The following NELL1 variants were observed in gnomAD, a reference collection of about 807,000 sequenced individuals.
The protein encoded by NELL1 is neural EGFL like 1, also known as protein kinase C-binding protein NELL1.
NELL1 carries 76 observed loss-of-function variants against 107.4 expected under a neutral mutation model. The observed-to-expected ratio is 0.71, with a 90% confidence interval of 0.59 to 0.86. The LOEUF (loss-of-function observed/expected upper bound fraction) is 0.86. NELL1 is among the 40% of genes least tolerant of loss of function. NELL1 has a pLI of 0.00. For synonymous variants in NELL1, 353 were observed against 341.2 expected (o/e 1.03, Z -0.38); for missense variants, 1,024 against 1,005.5 (o/e 1.02, Z -0.25).
intron 1 of NELL1, chr11:20,674,561 C>G: frequency 6.5e-7 from 1 of 1,528,760 alleles, no homozygotes; most frequent in Non-Finnish European, 8.8e-7. Flanking sequence ...CTTCAGCAAT[C>G]CCTTCAGGGA....
intron 16 of NELL1, among the ~76,000 whole-genome samples, chr11:21,545,215 T>A (rs1856409092): frequency 6.6e-6 from 1 of 151,628 alleles, no homozygotes; most frequent in Non-Finnish European, 1.5e-5. Context: ...CTCTATTTTT[T>A]AAAATGACAT....
intron 15 of NELL1, among the ~76,000 whole-genome samples, chr11:21,476,112 G>C (rs918923289): frequency 6.6e-6 from 1 of 151,978 alleles, no homozygotes; most frequent in African/African-American, 2.4e-5. Flanking sequence ...CAGGATACTT[G>C]TTATCATTAC....
At chr11:21,361,399 G>A (rs963961113) in intron 14 of NELL1, among the ~76,000 whole-genome samples, 3 of 148,216 alleles carry the variant, frequency 2.0e-5, no homozygotes, top group African/African-American at 7.5e-5. Context: ...TGATACTTTT[G>A]TCTCACACCT....
intron 13 of NELL1, among the ~76,000 whole-genome samples, chr11:21,175,917 C>A (rs1354110942): frequency 3.3e-5 from 5 of 151,816 alleles, no homozygotes; most frequent in Admixed American, 2.6e-4. Context: ...ATCCTTCTTG[C>A]TTATCTAACC....
At chr11:21,262,006 T>TA in intron 14 of NELL1, among the ~76,000 whole-genome samples, 1 of 152,024 alleles carries the variant, frequency 6.6e-6, no homozygotes, top group Non-Finnish European at 1.5e-5. Context: ...TTTATGTTAT[T>TA]ACGATTGTGC....
chr11:21,318,855 G>A (rs575398677), intron 14 of NELL1, among the ~76,000 whole-genome samples: 2 of 152,028 alleles, frequency 1.3e-5, no homozygotes, highest in South Asian at 2.1e-4. Context: ...AGTCAGATGG[G>A]GTGAGTTAAA....
At chr11:20,976,336 A>G (rs1009893005) in intron 12 of NELL1, among the ~76,000 whole-genome samples, 7 of 152,056 alleles carry the variant, frequency 4.6e-5, no homozygotes, top group African/African-American at 1.7e-4. Context: ...ATTGGCCAAA[A>G]CACAATCAGA....
chr11:21,083,647 T>C (rs1427925974), intron 12 of NELL1, among the ~76,000 whole-genome samples: 3 of 152,126 alleles, frequency 2.0e-5, no homozygotes, highest in African/African-American at 4.8e-5. Flanking sequence ...GTTTAAAAAA[T>C]AAACTAGATC....
chr11:20,677,571 G>A (rs996863730), intron 1 of NELL1, among the ~76,000 whole-genome samples: 1 of 152,182 alleles, frequency 6.6e-6, no homozygotes. Flanking sequence ...TGTTGTACTT[G>A]ATTATGGGGT....
chr11:21,554,700 T>C (rs1371378585), intron 16 of NELL1, among the ~76,000 whole-genome samples: 3 of 151,848 alleles, frequency 2.0e-5, no homozygotes, highest in African/African-American at 7.2e-5. Flanking sequence ...TTTACCCAAA[T>C]GATTCTATGG....
chr11:21,154,395 T>C (rs559987620), intron 13 of NELL1, among the ~76,000 whole-genome samples: 1 of 152,260 alleles, frequency 6.6e-6, no homozygotes, highest in South Asian at 2.1e-4. Context: ...TATGCAACTA[T>C]CTCTGAAAAG....
intron 2 of NELL1, among the ~76,000 whole-genome samples, chr11:20,755,563 T>TTTTTTTTTTTTATTTA (rs1856256862): frequency 4.2e-4 from 8 of 19,112 alleles, no homozygotes; most frequent in African/African-American, 1.1e-3. Context: ...TTTGTTTTTG[T>TTTTTTTTTTTTATTTA]TTTTTTTTTT....
In NELL1 at chr11:21,342,067, T is replaced by C. The variant is rs558934846; in HGVS notation, c.1550-28786T>C. Among the ~76,000 whole-genome samples the C allele has an allele frequency of 7.4e-4, 112 of 152,184 alleles. 2 individuals carry two copies. Among genetic ancestry groups the C allele is most frequent in the Non-Finnish European group, 3.2e-4 (22 of 68,030 alleles). On this transcript the variant is annotated intron_variant, in intron 14 of 19. Coordinates refer to ENST00000357134, the MANE Select transcript of NELL1 (RefSeq NM_006157.5). ...GCAATACCATGGACTGTAACTTCTGTAATACCATTGTCTTCACTGTATGTG... is the reference window on the plus strand; with the variant it reads ...GCAATACCATGGACTGTAACTTCTGCAATACCATTGTCTTCACTGTATGTG...
At chr11:21,313,973 T>C (rs1276036472) in intron 14 of NELL1, among the ~76,000 whole-genome samples, 1 of 134,894 alleles carries the variant, frequency 7.4e-6, no homozygotes, top group African/African-American at 2.9e-5. Context: ...TGTTTAAAAG[T>C]GTATGGAACC....
At chr11:21,341,460 A>T (rs571050324) in intron 14 of NELL1, among the ~76,000 whole-genome samples, 28 of 152,350 alleles carry the variant, frequency 1.8e-4, no homozygotes, top group Non-Finnish European at 1.8e-4. Context: ...CAAATAGGAA[A>T]CTCAGGCATT....
chr11:21,161,584 G>C (rs1856371285), intron 13 of NELL1, among the ~76,000 whole-genome samples: 1 of 151,938 alleles, frequency 6.6e-6, no homozygotes, highest in African/African-American at 2.4e-5. Context: ...TCTTTCCTCT[G>C]TCCCATCAGG....
chr11:20,960,295 A>AG, intron 11 of NELL1, 137 bp from the exon 12 acceptor site: 2 of 870,374 alleles, frequency 2.3e-6, no homozygotes, highest in Non-Finnish European at 3.5e-6. Flanking sequence ...CCACTTTCCT[A>AG]TCCAGTTTAT....
intron 13 of NELL1, among the ~76,000 whole-genome samples, chr11:21,216,732 C>T (rs1046149101): frequency 6.6e-6 from 1 of 152,126 alleles, no homozygotes; most frequent in East Asian, 1.9e-4. Flanking sequence ...AATGCCTGTA[C>T]CCCCATTGTA....
In NELL1 at chr11:20,901,530, G is replaced by T. The variant is rs571721843; in HGVS notation, c.603+15990G>T. Among the ~76,000 whole-genome samples the T allele has an allele frequency of 6.0e-5, 9 of 149,604 alleles. 1 individual carries two copies. Among genetic ancestry groups the T allele is most frequent in the African/African-American group, 2.2e-4 (9 of 40,846 alleles). On this transcript the variant is annotated intron_variant, in intron 5 of 19. Transcript: ENST00000357134. Reference sequence around the variant, plus strand: ...TGCTTCTTCCACATTGCTCTCTAGGGTCAATGAACTTGTAATCAGTTCCCA... The same window carrying T: ...TGCTTCTTCCACATTGCTCTCTAGGTTCAATGAACTTGTAATCAGTTCCCA...
Sources: gnomAD v4.1 joint callset for allele counts (sites outside exome capture counted in the v4.1 genomes callset) on GRCh38, gnomAD v4.1.1 for gene constraint, MANE v1.5 for transcripts, NCBI Gene and HGNC (gene_info 2026-07-23, HGNC 2026-07-21) for gene names.